The following SLC12A1 variants were observed in gnomAD, a reference collection of about 807,000 sequenced individuals.
SLC12A1 encodes solute carrier family 12 member 1.
A neutral mutation model predicts 130.4 loss-of-function variants in SLC12A1; 89 were observed. The ratio of observed to expected loss-of-function variants is 0.68; its 90% CI spans 0.58 to 0.81. The LOEUF is 0.81. SLC12A1 is among the 40% of genes least tolerant of loss of function. The pLI, the probability that SLC12A1 is intolerant of heterozygous loss-of-function variation, is 0.00. For missense variants in SLC12A1, 1,310 were observed against 1,336.4 expected (o/e 0.98, Z 0.31); for synonymous variants, 499 against 460.0 (o/e 1.08, Z -1.09).
intron 26 of SLC12A1, among the ~76,000 whole-genome samples, chr15:48,302,124 A>G (rs1336323020): frequency 3.3e-5 from 5 of 152,158 alleles, no homozygotes; most frequent in African/African-American, 1.2e-4. Flanking sequence ...TTATTTGAAA[A>G]ATCATTTACA....
intron 19 of SLC12A1, among the ~76,000 whole-genome samples, chr15:48,274,301 A>G (rs1251988992): frequency 1.3e-5 from 2 of 152,212 alleles, no homozygotes; most frequent in Non-Finnish European, 2.9e-5. Flanking sequence ...AAAAGATGCA[A>G]CAAGCTCTTA....
chr15:48,255,756 G>A (rs2041699878), intron 15 of SLC12A1, 55 bp from the exon 16 acceptor site: 5 of 1,073,558 alleles, frequency 4.7e-6, no homozygotes, highest in Middle Eastern at 2.0e-4. Context: ...AATTATTCAT[G>A]GTGCACAGAG....
chr15:48,277,362 C>G (rs2041964439), intron 20 of SLC12A1, among the ~76,000 whole-genome samples: 1 of 151,256 alleles, frequency 6.6e-6, no homozygotes, highest in African/African-American at 2.4e-5. Flanking sequence ...AAAATTGGAG[C>G]AAAGGAGGTG....
At chr15:48,235,421 G>A (rs2041429018) in intron 9 of SLC12A1, 1 of 265,016 alleles carries the variant, frequency 3.8e-6, no homozygotes, top group South Asian at 4.2e-5. Context: ...TCTGTGTGAA[G>A]TACTGCAAAG....
At chr15:48,229,929 G>A (rs2041349662) in intron 6 of SLC12A1, among the ~76,000 whole-genome samples, 1 of 152,112 alleles carries the variant, frequency 6.6e-6, no homozygotes, top group Non-Finnish European at 1.5e-5. Flanking sequence ...ATAAATAAAT[G>A]AGCTTACAGT....
At chr15:48,260,163 G>A (rs80312877) in intron 17 of SLC12A1, among the ~76,000 whole-genome samples, 15,071 of 151,832 alleles carry the variant, frequency 0.099, 1,311 homozygotes, top group East Asian at 0.3. Context: ...TACTCAGGAG[G>A]CTGAGGCAGG....
At chr15:48,252,846 A>G (rs1035151160) in intron 15 of SLC12A1, among the ~76,000 whole-genome samples, 7 of 152,206 alleles carry the variant, frequency 4.6e-5, no homozygotes, top group African/African-American at 1.7e-4. Context: ...GGCCTTCAAC[A>G]CACAGAAAGT....
chr15:48,277,306 AAAAAATTAAAAAATTTTT>A (rs773688574), intron 20 of SLC12A1, among the ~76,000 whole-genome samples: 2 of 152,144 alleles, frequency 1.3e-5, no homozygotes, highest in South Asian at 2.1e-4. Context: ...CTGAAACATA[AAAAAATTAAAAAATTTTT>A]AAAAATTAAA....
chr15:48,290,341 T>C (rs1259282689), intron 23 of SLC12A1, among the ~76,000 whole-genome samples: 2 of 152,220 alleles, frequency 1.3e-5, no homozygotes, highest in Non-Finnish European at 2.9e-5. Flanking sequence ...CTAAAGGACC[T>C]GCCTGAAGCT....
At chr15:48,259,351 C>A in intron 17 of SLC12A1, 40 bp downstream of exon 17, 1 of 1,294,716 alleles carries the variant, frequency 7.7e-7, no homozygotes, top group Non-Finnish European at 1.1e-6. Flanking sequence ...TTTTTCCTCC[C>A]TGCTTATCTT....
intron 2 of SLC12A1, among the ~76,000 whole-genome samples, chr15:48,215,279 T>C (rs934629074): frequency 6.6e-6 from 1 of 152,200 alleles, no homozygotes; most frequent in African/African-American, 2.4e-5. Context: ...GATTGAAGAT[T>C]CATTAGTTGT....
At chr15:48,258,386 A>AAAAAAAGG (rs71120612) in intron 16 of SLC12A1, among the ~76,000 whole-genome samples, 1 of 151,070 alleles carries the variant, frequency 6.6e-6, no homozygotes, top group Non-Finnish European at 1.5e-5. Context: ...AAAAAAAAAA[A>AAAAAAAGG]GAGTGACCTT....
At position 48,220,623 on chromosome 15, in the gene SLC12A1, A is replaced by G; in HGVS notation, c.421-11A>G. The G allele has an allele frequency of 6.2e-7, 1 of 1,611,428 alleles. No homozygotes were observed. Among genetic ancestry groups the G allele is most frequent in the Non-Finnish European group, 8.5e-7 (1 of 1,178,588 alleles). On this transcript the variant is annotated splice_polypyrimidine_tract_variant and intron_variant, in intron 2 of 26. Transcript: ENST00000380993. The stretch of plus-strand genomic sequence containing the variant: ...ACCAACTACTGTGTTTTTGCTATCT[A>G]TAAAATGCAGAATGTGGCAGTCACC...
At chr15:48,240,048 TCC>T (rs369455757) in intron 9 of SLC12A1, among the ~76,000 whole-genome samples, 9,433 of 22,252 alleles carry the variant, frequency 0.42, 1,803 homozygotes, top group Non-Finnish European at 0.59. Context: ...TATATATATA[TCC>T]ATATATATAT....
chr15:48,272,468 C>T (rs544850174), intron 19 of SLC12A1, among the ~76,000 whole-genome samples: 2 of 151,876 alleles, frequency 1.3e-5, no homozygotes, highest in South Asian at 4.2e-4. Context: ...GCTCTGTTGC[C>T]CAGGCTGAAG....
At chr15:48,293,831 GC>G (rs2141121921) in intron 24 of SLC12A1, among the ~76,000 whole-genome samples, 1 of 152,138 alleles carries the variant, frequency 6.6e-6, no homozygotes, top group African/African-American at 2.4e-5. Flanking sequence ...GATCACTTGA[GC>G]CCAGGAGTTC....
rs1430596489 is a variant in SLC12A1 at position 48,291,796 on chromosome 15, C to T, written c.2892C>T (p.Ser964=). 1 of 1,562,702 alleles carries T rather than the reference C, an allele frequency of 6.4e-7. No individual in the cohort carries two copies. The highest frequency in any genetic ancestry group is 2.3e-5 in the East Asian group (1 of 42,696). ...EEKIVMASLL[S]KFRIKFADIH... is the part of the protein sequence containing the mutation. ...TTTTCAGAATGGCTTCCCTTCTGAG[C>T]AAATTTAGGATAAAATTTGCAGACA... is the stretch of plus-strand genomic sequence containing the variant. The change falls in exon 24 of 27, where the codon AGC becomes AGT. Residue 964 remains serine, a synonymous_variant. Transcript: ENST00000380993.
chr15:48,292,379 C>G, intron 24 of SLC12A1, among the ~76,000 whole-genome samples: 1 of 151,528 alleles, frequency 6.6e-6, no homozygotes, highest in Middle Eastern at 3.2e-3. Context: ...ACGTCTAAAA[C>G]TATTTGAAGC....
At chr15:48,236,236 CAT>C (rs1371670164) in intron 9 of SLC12A1, among the ~76,000 whole-genome samples, 4 of 151,974 alleles carry the variant, frequency 2.6e-5, no homozygotes, top group Non-Finnish European at 4.4e-5. Flanking sequence ...ACATGAAAAA[CAT>C]ATGCATTGTC....
Sources: allele counts gnomAD v4.1 joint callset (sites outside exome capture counted in the v4.1 genomes callset), GRCh38; gene constraint gnomAD v4.1.1; transcripts MANE v1.5; gene names NCBI Gene and HGNC (gene_info 2026-07-23, HGNC 2026-07-21).